CDH23: variants seen among roughly 807,000 people sequenced by gnomAD.
The protein encoded by CDH23 is cadherin related 23.
A neutral mutation model predicts 317.1 loss-of-function variants in CDH23; 189 were observed. The observed-to-expected ratio is 0.60, with a 90% confidence interval of 0.53 to 0.67. The LOEUF (loss-of-function observed/expected upper bound fraction) is 0.67, where lower values mean the gene tolerates loss of function less well. Among genes scored for constraint, CDH23 ranks in the 30% least tolerant of loss-of-function variants. CDH23 has a pLI of 0.00. For synonymous variants in CDH23, 1,839 were observed against 1,876.8 expected (o/e 0.98, Z 0.52); for missense variants, 4,401 against 4,592.4 (o/e 0.96, Z 1.20).
chr10:71,432,414 T>TGA (rs68105007), intron 1 of CDH23, among the ~76,000 whole-genome samples: 101,012 of 146,840 alleles, frequency 0.69, 35,403 homozygotes, highest in Non-Finnish European at 0.77. Flanking sequence ...TGTGTGTGTG[T>TGA]GAGTGTGTGG....
intron 9 of CDH23, 154 bp from the exon 10 acceptor site, chr10:71,615,350 T>G: frequency 1.5e-6 from 1 of 675,754 alleles, no homozygotes; most frequent in East Asian, 2.7e-5. Context: ...CAGGGCTCTT[T>G]CTATTACTCT....
intron 6 of CDH23, among the ~76,000 whole-genome samples, chr10:71,550,553 C>A (rs1856519163): frequency 2.0e-5 from 2 of 101,612 alleles, no homozygotes; most frequent in African/African-American, 4.2e-5. Flanking sequence ...GAGTGAGACC[C>A]TGTCTCAAAA....
chr10:71,674,130 T>A (rs1262855999), intron 14 of CDH23, among the ~76,000 whole-genome samples: 1 of 152,224 alleles, frequency 6.6e-6, no homozygotes, highest in African/African-American at 2.4e-5. Context: ...GTTTTCTGGA[T>A]AACTAAGATC....
intron 19 of CDH23, among the ~76,000 whole-genome samples, chr10:71,688,349 G>A (rs1171602045): frequency 4.6e-5 from 7 of 152,270 alleles, no homozygotes; most frequent in Admixed American, 4.6e-4. Flanking sequence ...GAGACAGGAA[G>A]GCTGGAATCA....
chr10:71,747,019 C>A (rs932609434), intron 38 of CDH23, among the ~76,000 whole-genome samples: 5 of 152,178 alleles, frequency 3.3e-5, no homozygotes, highest in African/African-American at 1.2e-4. Context: ...TCAGAAGGTC[C>A]CAGCCTGGCC....
chr10:71,493,570 G>C (rs980020936), intron 3 of CDH23, among the ~76,000 whole-genome samples: 2 of 152,178 alleles, frequency 1.3e-5, no homozygotes, highest in Admixed American at 6.5e-5. Flanking sequence ...GGCATCCTTT[G>C]AGAGGCTCTC....
chr10:71,710,076 C>T lies in CDH23; in HGVS notation c.3220+865C>T, dbSNP rs564433633. Among the ~76,000 whole-genome samples, 16 of 152,266 alleles carry T rather than the reference C, an allele frequency of 1.1e-4. No homozygotes were observed. In the South Asian group the frequency reaches 2.9e-3, roughly 28 times the overall value. On this transcript the variant is annotated intron_variant, in intron 27 of 69. Coordinates refer to ENST00000224721, the MANE Select transcript of CDH23 (RefSeq NM_022124.6). The stretch of plus-strand genomic sequence containing the variant: ...TCAATGATCTCCCGCTGGCTCCCTC[C>T]CACAACATGTGGAAATTATGGGAAT...
intron 28 of CDH23, chr10:71,716,653 C>A: frequency 3.5e-6 from 1 of 281,712 alleles, no homozygotes; most frequent in Non-Finnish European, 6.6e-6. Context: ...TGAATCATCA[C>A]AGGGTCTTAG....
intron 9 of CDH23, among the ~76,000 whole-genome samples, chr10:71,599,792 CTG>C (rs1243401516): frequency 6.6e-6 from 1 of 152,146 alleles, no homozygotes; most frequent in Non-Finnish European, 1.5e-5. Flanking sequence ...TTCTAACGTG[CTG>C]TGTGTTGTTG....
intron 1 of CDH23, among the ~76,000 whole-genome samples, chr10:71,436,702 CTCCT>C (rs975521859): frequency 6.6e-6 from 1 of 152,178 alleles, no homozygotes; most frequent in African/African-American, 2.4e-5. Context: ...ATTTCCTTCC[CTCCT>C]TCCTTCCTTC....
chr10:71,705,040 C>A lies in CDH23; in HGVS notation c.2863C>A (p.Arg955Ser), dbSNP rs765094120. 5 of 1,612,674 alleles carry A rather than the reference C, an allele frequency of 3.1e-6. No homozygotes were observed. Among genetic ancestry groups the A allele is most frequent in the Middle Eastern group, 3.3e-4 (2 of 6,062 alleles). ...GVVVTTTELD[R>S]ERIAEYQLRV... ...GGTGGTCACCACCACCGAGCTGGAC[C>A]GCGAGCGCATCGCGGAGTACCAGCT... The change falls in exon 25 of 70, where the codon CGC becomes AGC. Residue 955 changes from arginine (R) to serine (S), a missense_variant. Physicochemically the swap from Arg to Ser is moderately radical, Grantham distance 110 (BLOSUM62 -1). This residue lies in a region of CDH23 where 3,068 missense variants were observed against 3,203.3 expected (regional missense o/e 0.96). Coordinates refer to ENST00000224721, the MANE Select transcript of CDH23 (RefSeq NM_022124.6).
chr10:71,434,678 G>A (rs897124160), intron 1 of CDH23, among the ~76,000 whole-genome samples: 5 of 152,012 alleles, frequency 3.3e-5, no homozygotes, highest in Admixed American at 6.5e-5. Context: ...ATGTGGGCGG[G>A]GCTGCTGCTC....
At position 71,677,660 on chromosome 10, in the gene CDH23, C is replaced by T. The variant is rs761913744; in HGVS notation, c.1719C>T (p.Asn573=). ...CCTACGTGGGTGCTCTGCGGGAGAACGAGCCTTCTGTCACACAGCTGGTGC... is the reference window on the plus strand; with the variant it reads ...CCTACGTGGGTGCTCTGCGGGAGAATGAGCCTTCTGTCACACAGCTGGTGC... ...KDAYVGALRE[N]EPSVTQLVRL... Residue 573 remains asparagine, a synonymous_variant, in exon 16 of 70, where the codon AAC becomes AAT. Transcript: ENST00000224721. 4.4e-5 allele frequency: 70 copies of T among 1,574,208 alleles called. No homozygotes were observed. Among genetic ancestry groups the T allele is most frequent in the Non-Finnish European group, 5.2e-5 (60 of 1,160,182 alleles).
intron 1 of CDH23, among the ~76,000 whole-genome samples, chr10:71,428,837 G>A (rs1484066864): frequency 6.6e-6 from 1 of 151,332 alleles, no homozygotes; most frequent in Non-Finnish European, 1.5e-5. Flanking sequence ...CAATCTGCCT[G>A]CCTTGGCCTC....
intron 6 of CDH23, among the ~76,000 whole-genome samples, chr10:71,514,056 GCA>G (rs1430777615): frequency 6.6e-6 from 1 of 152,012 alleles, no homozygotes; most frequent in African/African-American, 2.4e-5. Flanking sequence ...ACACACCCAT[GCA>G]CACACAGTCT....
At chr10:71,617,140 G>T in intron 10 of CDH23, 65 bp from the exon 11 acceptor site, 3 of 1,535,774 alleles carry the variant, frequency 2.0e-6, no homozygotes, top group South Asian at 1.2e-5. Context: ...GAAAGTCTTT[G>T]GTAAGCAAGA....
intron 14 of CDH23, among the ~76,000 whole-genome samples, chr10:71,650,627 A>G (rs1409446119): frequency 6.6e-6 from 1 of 152,226 alleles, no homozygotes; most frequent in Non-Finnish European, 1.5e-5. Context: ...CACTATATGC[A>G]CAAGTCTCAT....
At chr10:71,793,001 T>TATAAA (rs1484803251) in intron 47 of CDH23, among the ~76,000 whole-genome samples, 181 bp from the exon 48 acceptor site, 9 of 151,584 alleles carry the variant, frequency 5.9e-5, no homozygotes, top group African/African-American at 1.9e-4. Context: ...AATCAAAGAA[T>TATAAA]ATAAAATAAA....
intron 3 of CDH23, among the ~76,000 whole-genome samples, chr10:71,460,789 T>G (rs7902789): frequency 0.46 from 69,523 of 152,094 alleles, 16,153 homozygotes; most frequent in East Asian, 0.6. Context: ...AATGTGGAGT[T>G]GGGGCGGTAG....
Sources: allele counts gnomAD v4.1 joint callset (sites outside exome capture counted in the v4.1 genomes callset), GRCh38; gene constraint gnomAD v4.1.1; regional missense constraint gnomAD v4.1.1; transcripts MANE v1.5; gene names NCBI Gene and HGNC (gene_info 2026-07-23, HGNC 2026-07-21).